The following HMCN1 variants were observed in gnomAD, a reference collection of about 807,000 sequenced individuals.
HMCN1 encodes hemicentin-1.
HMCN1 carries 321 observed loss-of-function variants against 625.9 expected under a neutral mutation model. That is an observed-to-expected ratio of 0.51 (90% CI 0.47 to 0.56). The LOEUF is 0.56. Ranked by LOEUF, HMCN1 falls within the 20% of genes least tolerant of loss-of-function variation. HMCN1 has a pLI of 0.00. For missense variants in HMCN1, 6,588 were observed against 6,887.3 expected, an observed-to-expected ratio of 0.96 and a Z score of 1.54; for synonymous variants, 2,425 against 2,417.6, an observed-to-expected ratio of 1.00 and a Z score of -0.09.
rs1208823328 is a variant in HMCN1 at position 185,977,930 on chromosome 1, T to G, written c.2515T>G (p.Phe839Val). The part of the protein sequence containing the change: ...LDNMPIFSRP[F>V]SVSSISQLRT... ...CAACATGCCAATTTTCTCAAGACCT[T>G]TTTCAGTTAGTTCCATCAGCCAACT... The change falls in exon 16 of 107, where the codon TTT becomes GTT. Residue 839 changes from phenylalanine to valine, a missense_variant. Coordinates refer to ENST00000271588, the MANE Select transcript of HMCN1 (RefSeq NM_031935.3). 8 of 1,613,280 alleles carry G rather than the reference T, an allele frequency of 5.0e-6. No individual in the cohort carries two copies. In the African/African-American group the frequency reaches 1.1e-4, roughly 22 times the overall value.
chr1:186,152,960 T>C, intron 96 of HMCN1, 89 bp downstream of exon 96: 2 of 1,520,454 alleles, frequency 1.3e-6, no homozygotes, highest in Non-Finnish European at 1.8e-6. Context: ...ACTTGTTCAC[T>C]CTGTGGGGGA....
intron 17 of HMCN1, 29 bp downstream of exon 17, chr1:185,981,102 T>C (rs1440770735): frequency 6.9e-6 from 9 of 1,310,522 alleles, no homozygotes; most frequent in East Asian, 2.3e-5. Flanking sequence ...CTACATACCA[T>C]GGTCTTCAAA....
Position 185,990,300 on chromosome 1 carries a change from A to G in HMCN1, c.3234A>G (p.Gln1078=), listed in dbSNP as rs1326628776. ...TAAGGCCCAGAGTGTTTGGAGATCA[A>G]CGAGGACTGTCCCAGGATAAGCCTG... ...VYVRPRVFGD[Q]RGLSQDKPVE... Residue 1078 remains glutamine, a synonymous_variant, in exon 22 of 107, where the codon CAA becomes CAG. Coordinates refer to ENST00000271588, the MANE Select transcript of HMCN1 (RefSeq NM_031935.3). The G allele has an allele frequency of 3.1e-6, 5 of 1,613,964 alleles. No individual in the cohort carries two copies. The highest frequency in any genetic ancestry group is 1.1e-5 in the South Asian group (1 of 91,090).
chr1:185,898,835 GA>G (rs1665641940), intron 4 of HMCN1, among the ~76,000 whole-genome samples: 1 of 151,426 alleles, frequency 6.6e-6, no homozygotes, highest in Non-Finnish European at 1.5e-5. Flanking sequence ...TACAGCTACT[GA>G]AAAGTGAAGA....
At position 186,114,956 on chromosome 1, in the gene HMCN1, C is replaced by A; in HGVS notation, c.11404+10C>A. The A allele has an allele frequency of 1.2e-6, 2 of 1,614,054 alleles. No individual in the cohort carries two copies. The highest frequency in any genetic ancestry group is 2.2e-5 in the South Asian group (2 of 91,066). Reference sequence around the variant, plus strand: ...GATTTACAGGTCCATGGTAAATATCCGTTTATAGACAACATCCGGTCTCTG... The same window carrying A: ...GATTTACAGGTCCATGGTAAATATCAGTTTATAGACAACATCCGGTCTCTG... On this transcript the variant is annotated intron_variant, in intron 74 of 106. Coordinates refer to ENST00000271588, the MANE Select transcript of HMCN1 (RefSeq NM_031935.3).
chr1:186,082,910 G>A lies in HMCN1; in HGVS notation c.8833G>A (p.Ala2945Thr). 6.3e-7 allele frequency: 1 copy of A among 1,595,286 alleles called. No homozygotes were observed. Among genetic ancestry groups the A allele is most frequent in the Non-Finnish European group, 8.5e-7 (1 of 1,169,722 alleles). Residue 2945 changes from alanine (A) to threonine (T), a missense_variant, in exon 57 of 107, where the codon GCT (alanine) becomes ACT (threonine). Ala to Thr is a moderately conservative substitution (Grantham distance 58). Around this residue, in one of 3 missense-constraint regions of HMCN1, gnomAD observed 4,628 missense variants for 4,853.1 expected, o/e 0.95. Coordinates refer to ENST00000271588, the MANE Select transcript of HMCN1 (RefSeq NM_031935.3). ...AGATATCGGCAGGTATGTGTGTGTTGCTGAGAACACAGCTGGGAGTGCCAA... is the reference window on the plus strand; with the variant it reads ...AGATATCGGCAGGTATGTGTGTGTTACTGAGAACACAGCTGGGAGTGCCAA... ...ITDIGRYVCV[A>T]ENTAGSAKKY...
Position 186,093,651 on chromosome 1 carries a change from C to A in HMCN1, c.10178C>A (p.Ala3393Glu). 6.2e-7 allele frequency: 1 copy of A among 1,613,300 alleles called. No homozygotes were observed. The highest frequency in any genetic ancestry group is 8.5e-7 in the Non-Finnish European group (1 of 1,179,494). ...LPLSSHIRLLAAGQVIRIVRA... is the reference protein window; with the variant it reads ...LPLSSHIRLLEAGQVIRIVRA... ...CTCTCCTCCCATATCCGGTTACTGG[C>A]AGCAGGACAAGTTATCAGGTCAGCT... The change falls in exon 66 of 107, where the codon GCA (alanine) becomes GAA (glutamate). Residue 3393 changes from alanine (A) to glutamate (E), a missense_variant. By Grantham distance (107) the Ala-to-Glu change is moderately radical. Around this residue, in one of 3 missense-constraint regions of HMCN1, gnomAD observed 4,628 missense variants for 4,853.1 expected, o/e 0.95. Coordinates refer to ENST00000271588, the MANE Select transcript of HMCN1 (RefSeq NM_031935.3).
At chr1:185,875,001 A>G (rs1346368293) in intron 4 of HMCN1, among the ~76,000 whole-genome samples, 2 of 151,860 alleles carry the variant, frequency 1.3e-5, no homozygotes, top group Non-Finnish European at 2.9e-5. Flanking sequence ...TAATGAATAC[A>G]ATAAATTTAA....
chr1:186,091,353 G>A (rs1404490867), intron 64 of HMCN1, among the ~76,000 whole-genome samples: 2 of 151,912 alleles, frequency 1.3e-5, no homozygotes, highest in Non-Finnish European at 1.5e-5. Flanking sequence ...CCACCAAACT[G>A]TGTACATGCT....
chr1:185,809,690 G>A (rs1659392559), intron 1 of HMCN1, among the ~76,000 whole-genome samples: 1 of 151,956 alleles, frequency 6.6e-6, no homozygotes, highest in Non-Finnish European at 1.5e-5. Flanking sequence ...ATATGATATA[G>A]TATGATATAA....
chr1:186,030,919 T>C (rs1225315769), intron 36 of HMCN1, among the ~76,000 whole-genome samples: 2 of 151,966 alleles, frequency 1.3e-5, no homozygotes, highest in East Asian at 3.8e-4. Context: ...AAAAATTTTG[T>C]TCTTAATTAG....
In HMCN1 at chr1:185,879,885, A is replaced by T. The variant is rs34673954; in HGVS notation, c.621+14022A>T. ...TGAATGTGGAATTCACACTGTAGTG[A>T]CAGTAAGACTTGCTATGGAGAGAAA... is the stretch of plus-strand genomic sequence containing the variant. On this transcript the variant is annotated intron_variant, in intron 4 of 106. Coordinates refer to ENST00000271588, the MANE Select transcript of HMCN1 (RefSeq NM_031935.3). Among the ~76,000 whole-genome samples the T allele has an allele frequency of 5.9e-3, 906 of 152,294 alleles. 6 individuals carry two copies. The highest frequency in any genetic ancestry group is 9.9e-3 in the Non-Finnish European group (676 of 68,022).
intron 55 of HMCN1, among the ~76,000 whole-genome samples, chr1:186,078,846 CAG>C (rs1658988654): frequency 6.6e-6 from 1 of 152,104 alleles, no homozygotes; most frequent in Non-Finnish European, 1.5e-5. Flanking sequence ...AATGCATGAA[CAG>C]AGAGTTGAAG....
At chr1:185,774,989 G>A (rs1656496637) in intron 1 of HMCN1, among the ~76,000 whole-genome samples, 1 of 151,970 alleles carries the variant, frequency 6.6e-6, no homozygotes, top group Non-Finnish European at 1.5e-5. Flanking sequence ...GTTCTTGGAT[G>A]TCTCCTGTGT....
intron 4 of HMCN1, among the ~76,000 whole-genome samples, chr1:185,877,943 T>C (rs1012437988): frequency 1.3e-5 from 2 of 152,154 alleles, no homozygotes; most frequent in African/African-American, 2.4e-5. Context: ...TTTGTCCCCA[T>C]TGGTTCTCAT....
At chr1:185,806,067 T>TATA (rs144630914) in intron 1 of HMCN1, among the ~76,000 whole-genome samples, 98 of 151,784 alleles carry the variant, frequency 6.5e-4, no homozygotes, top group African/African-American at 1.9e-3. Flanking sequence ...ACAAACTTGA[T>TATA]ATAATAATAA....
chr1:185,971,566 A>G (rs1650836060), intron 15 of HMCN1, among the ~76,000 whole-genome samples: 1 of 152,200 alleles, frequency 6.6e-6, no homozygotes, highest in Admixed American at 6.6e-5. Flanking sequence ...GTATATGATG[A>G]TATTCATGCC....
chr1:186,076,695 T>C, intron 54 of HMCN1, 73 bp downstream of exon 54: 1 of 1,435,956 alleles, frequency 7.0e-7, no homozygotes, highest in Non-Finnish European at 9.7e-7. Flanking sequence ...ATTAGACGAA[T>C]TGAATTGGTT....
At chr1:186,189,444 A>G in intron 106 of HMCN1, 68 bp from the exon 107 acceptor site, 1 of 1,573,360 alleles carries the variant, frequency 6.4e-7, no homozygotes. Flanking sequence ...ATGGATCATG[A>G]TCACCTATAT....
Sources: gnomAD v4.1 joint callset for allele counts (sites outside exome capture counted in the v4.1 genomes callset) on GRCh38, gnomAD v4.1.1 for gene constraint, gnomAD v4.1.1 regional missense constraint, MANE v1.5 for transcripts, NCBI Gene and HGNC (gene_info 2026-07-23, HGNC 2026-07-21) for gene names.